The following HMX3 variants were observed in gnomAD, a reference collection of about 807,000 sequenced individuals.
HMX3 encodes the protein homeobox protein HMX3.
HMX3 carries 8 observed loss-of-function variants against 22.8 expected under a neutral mutation model. The observed-to-expected ratio is 0.35, with a 90% CI of 0.21 to 0.63. The LOEUF (loss-of-function observed/expected upper bound fraction) is 0.63. HMX3 is among the 30% of genes least tolerant of loss of function. The probability of loss-of-function intolerance (pLI) is 0.72; values close to 1 mark genes in which losing one functional copy is unlikely to be tolerated. For synonymous variants in HMX3, 331 were observed against 250.9 expected (o/e 1.32, Z -3.02); for missense variants, 527 against 520.6 (o/e 1.01, Z -0.12).
Position 123,137,584 on chromosome 10 carries a change from C to G in HMX3, c.927C>G (p.Leu309=). ...AGCGCATCGTGCGGGTGCCCATCCT[C>G]TACCACGAGAACTCGGCGGCCGAGG... is the stretch of plus-strand genomic sequence containing the variant. ...AAQRIVRVPI[L]YHENSAAEGA... is the part of the protein sequence containing the mutation. Residue 309 remains leucine (L), a synonymous_variant, in exon 2 of 2, where the codon CTC becomes CTG. Transcript: ENST00000357878. This position sits in a 1 kb window ranked among gnomAD's most constrained non-coding sequence, Gnocchi z 5.8. 1 of 1,600,810 alleles carries G rather than the reference C, an allele frequency of 6.2e-7. No individual in the cohort carries two copies. The highest frequency in any genetic ancestry group is 8.5e-7 in the Non-Finnish European group (1 of 1,175,078).
Position 123,137,273 on chromosome 10 carries a change from A to G in HMX3, c.616A>G (p.Thr206Ala). The G allele has an allele frequency of 1.3e-6, 2 of 1,593,846 alleles. No individual in the cohort carries two copies. Among genetic ancestry groups the G allele is most frequent in the South Asian group, 2.2e-5 (2 of 89,188 alleles). ...GGCGAGCGTAGGGGCGGCGGCGGCC[A>G]CTCCGGGCGCAGAAGACTGGAAGAA... Reference protein sequence around the residue: ...AGASVGAAAATPGAEDWKKGA... With the variant: ...AGASVGAAAAAPGAEDWKKGA... The change falls in exon 2 of 2, where the codon ACT becomes GCT. Residue 206 changes from threonine (T) to alanine (A), a missense_variant. Physicochemically the swap from Thr to Ala is moderately conservative, Grantham distance 58. Coordinates refer to ENST00000357878, the MANE Select transcript of HMX3 (RefSeq NM_001105574.2). This position sits in a 1 kb window ranked among gnomAD's most constrained non-coding sequence, Gnocchi z 5.8.
rs929126990 is a variant in HMX3, at chr10:123,139,073, G to A, written c.*1342G>A. Among the ~76,000 whole-genome samples, 1 of 152,110 alleles carries A rather than the reference G, an allele frequency of 6.6e-6. No homozygotes were observed. The highest frequency in any genetic ancestry group is 2.1e-4 in the South Asian group (1 of 4,822). ...GAAAAAAGTAGGCAGGGGAAAGGGGGGAAGAAAGAAACAAGCTTAGGTAGT... is the reference window on the plus strand; with the variant it reads ...GAAAAAAGTAGGCAGGGGAAAGGGGAGAAGAAAGAAACAAGCTTAGGTAGT... On this transcript the variant is annotated 3_prime_UTR_variant, in exon 2 of 2. Coordinates refer to ENST00000357878, the MANE Select transcript of HMX3 (RefSeq NM_001105574.2).
chr10:123,136,583 T>G lies in HMX3; in HGVS notation c.400+133T>G. ...TGCTCGGTCAGTTTTTTTCGGCCCCTAGCCTGCCCTCGCGCTGGGTTGCGC... is the reference window on the plus strand; with the variant it reads ...TGCTCGGTCAGTTTTTTTCGGCCCCGAGCCTGCCCTCGCGCTGGGTTGCGC... On this transcript the variant is annotated intron_variant, in intron 1 of 1. Coordinates refer to ENST00000357878, the MANE Select transcript of HMX3 (RefSeq NM_001105574.2). This position sits in a 1 kb window ranked among gnomAD's most constrained non-coding sequence, Gnocchi z 4.8. 2 of 640,672 alleles carry G rather than the reference T, an allele frequency of 3.1e-6. No individual in the cohort carries two copies. The highest frequency in any genetic ancestry group is 4.6e-6 in the Non-Finnish European group (2 of 434,054). The allele number at this position is 640,672 out of a possible 1,614,324, so 39.7% of individuals were successfully genotyped here. A position where few individuals can be genotyped will look rare whatever the true frequency, so the allele number is the denominator to read the frequency against.
In HMX3 at chr10:123,136,257, TGCCGCGGCG is replaced by T; in HGVS notation, c.211_219del (p.Ala71_Ala73del). On this transcript the variant is annotated inframe_deletion, in exon 1 of 2. Coordinates refer to ENST00000357878, the MANE Select transcript of HMX3 (RefSeq NM_001105574.2). This position sits in a 1 kb window ranked among gnomAD's most constrained non-coding sequence, Gnocchi z 4.8. ...CTGCCGCCGCCGCCGCCGCTGCCGC[TGCCGCGGCG>T]GCCAAGGGGGCCCTGGAGGGCGCCG... 7.3e-7 allele frequency: 1 copy of T among 1,363,238 alleles called. No homozygotes were observed. The highest frequency in any genetic ancestry group is 2.0e-5 in the South Asian group (1 of 49,814). The allele number at this position is 1,363,238 out of a possible 1,614,324, so 84.4% of individuals were successfully genotyped here.
rs1308285911 is a variant in HMX3 at position 123,138,944 on chromosome 10, T to C, written c.*1213T>C. Among the ~76,000 whole-genome samples the C allele has an allele frequency of 6.6e-6, 1 of 152,214 alleles. No individual in the cohort carries two copies. Among genetic ancestry groups the C allele is most frequent in the Non-Finnish European group, 1.5e-5 (1 of 68,040 alleles). On this transcript the variant is annotated 3_prime_UTR_variant, in exon 2 of 2. Transcript: ENST00000357878. ...CATGTTCTGCAGTAATTATTGTACG[T>C]TGACCTGTGCAATATTGTACAAAAT...
In HMX3 at chr10:123,137,493, G is replaced by C. The variant is rs1468125985; in HGVS notation, c.836G>C (p.Arg279Pro). ...GTCAAGATCTGGTTCCAGAACCGCC[G>C]CAACAAGTGGAAGCGGCAGCTGGCG... is the stretch of plus-strand genomic sequence containing the variant. The part of the protein sequence containing the change: ...TQVKIWFQNR[R>P]NKWKRQLAAE... The change falls in exon 2 of 2, where the codon CGC (arginine) becomes CCC (proline). Residue 279 changes from arginine to proline, a missense_variant. Around this residue, in one of 3 missense-constraint regions of HMX3, gnomAD observed 41 missense variants for 80.6 expected, o/e 0.51. Coordinates refer to ENST00000357878, the MANE Select transcript of HMX3 (RefSeq NM_001105574.2). This position sits in a 1 kb window ranked among gnomAD's most constrained non-coding sequence, Gnocchi z 5.8. 1 of 1,613,296 alleles carries C rather than the reference G, an allele frequency of 6.2e-7. No individual in the cohort carries two copies. Among genetic ancestry groups the C allele is most frequent in the Non-Finnish European group, 8.5e-7 (1 of 1,179,882 alleles).
rs146972517 is a variant in HMX3, at chr10:123,139,011, C to T, written c.*1280C>T. On this transcript the variant is annotated 3_prime_UTR_variant, in exon 2 of 2. Coordinates refer to ENST00000357878, the MANE Select transcript of HMX3 (RefSeq NM_001105574.2). The stretch of plus-strand genomic sequence containing the variant: ...TTCCTCCTCCACCGTGGGAAACAGA[C>T]CTTTTCACTGTATAATCATGGTCAT... Among the ~76,000 whole-genome samples, 186 of 152,018 alleles carry T rather than the reference C, an allele frequency of 1.2e-3. 2 individuals are homozygous for T. The highest frequency in any genetic ancestry group is 4.3e-3 in the African/African-American group (180 of 41,434).
chr10:123,136,108 CCG>C lies in HMX3; in HGVS notation c.60_61del (p.Pro23ThrfsTer24). Reference protein sequence around the residue: ...GTASAQPQPPPPPPPAPKESP... With the variant: ...GTASAQPQPPXPPPPAPKESP... ...CGCCAGCGCACAGCCCCAACCGCCG[CCG>C]CCCCCCCCACCCGCTCCCAAGGAGT... On this transcript the variant is annotated frameshift_variant, in exon 1 of 2. Coordinates refer to ENST00000357878, the MANE Select transcript of HMX3 (RefSeq NM_001105574.2). LOFTEE classifies it high-confidence loss of function. The surrounding 1 kb of genome is among the most constrained non-coding windows in gnomAD (Gnocchi z 4.8). The C allele has an allele frequency of 7.3e-7, 1 of 1,376,408 alleles. No homozygotes were observed. The highest frequency in any genetic ancestry group is 9.4e-7 in the Non-Finnish European group (1 of 1,064,068). 85.3% of individuals were successfully genotyped at this position (1,376,408 alleles called of 1,614,324 possible).
In HMX3 at chr10:123,137,226, A is replaced by G. The variant is rs187759881; in HGVS notation, c.569A>G (p.Glu190Gly). ...SDSEESKKEGEAAPGAAGASV... is the reference protein window; with the variant it reads ...SDSEESKKEGGAAPGAAGASV... ...TCCGAGGAAAGCAAAAAGGAAGGCG[A>G]AGCGGCGCCAGGCGCGGCCGGGGCG... The change falls in exon 2 of 2, where the codon GAA becomes GGA. Residue 190 changes from glutamate (E) to glycine (G), a missense_variant. By Grantham distance (98) the Glu-to-Gly change is moderately conservative (BLOSUM62 -2). Around this residue, in one of 3 missense-constraint regions of HMX3, gnomAD observed 386 missense variants for 337.8 expected, o/e 1.14. Transcript: ENST00000357878. This position sits in a 1 kb window ranked among gnomAD's most constrained non-coding sequence, Gnocchi z 5.8. The G allele has an allele frequency of 1.4e-3, 2,243 of 1,596,146 alleles. 26 individuals are homozygous for G. The African/African-American group carries it at 0.025, about 18-fold the overall frequency.
At position 123,138,394 on chromosome 10, in the gene HMX3, C is replaced by G. The variant is rs1378850530; in HGVS notation, c.*663C>G. Among the ~76,000 whole-genome samples the G allele has an allele frequency of 1.3e-5, 2 of 152,070 alleles. No individual in the cohort carries two copies. The highest frequency in any genetic ancestry group is 2.9e-5 in the Non-Finnish European group (2 of 68,002). On this transcript the variant is annotated 3_prime_UTR_variant, in exon 2 of 2. Transcript: ENST00000357878. ...TGAGCTCCTGACCTCGTGATCCGCC[C>G]GCCTCGGCCTCCCAAAGTGCTGGGA...
chr10:123,137,010 G>C lies in HMX3; in HGVS notation c.401-48G>C. The C allele has an allele frequency of 6.5e-7, 1 of 1,530,698 alleles. No individual in the cohort carries two copies. The highest frequency in any genetic ancestry group is 1.3e-5 in the South Asian group (1 of 77,734). The allele number at this position is 1,530,698 out of a possible 1,614,324, so 94.8% of individuals were successfully genotyped here. A position where few individuals can be genotyped will look rare whatever the true frequency, so the allele number is the denominator to read the frequency against. ...TCCCCAGGCGCCGGGCCTCGCTCAA[G>C]GCTGTGTCGGTGTGCATGTGTGTGC... On this transcript the variant is annotated intron_variant, in intron 1 of 1. Transcript: ENST00000357878. This position sits in a 1 kb window ranked among gnomAD's most constrained non-coding sequence, Gnocchi z 5.8.
rs1844070662 is a variant in HMX3 at position 123,136,200 on chromosome 10, G to A, written c.150G>A (p.Pro50=). 7.8e-7 allele frequency: 1 copy of A among 1,275,574 alleles called. No homozygotes were observed. The highest frequency in any genetic ancestry group is 1.0e-6 in the Non-Finnish European group (1 of 1,000,800). 79.0% of individuals were successfully genotyped at this position (1,275,574 alleles called of 1,614,324 possible). ...ACCGGCCGCCCCCTAAGCCTCAGCC[G>A]CCCCCACGGACGCTCTTCGCGCCAG... is the stretch of plus-strand genomic sequence containing the variant. ...DHHRPPPKPQ[P]PPRTLFAPAS... Residue 50 remains proline, a synonymous_variant, in exon 1 of 2, where the codon CCG becomes CCA. Transcript: ENST00000357878. This position sits in a 1 kb window ranked among gnomAD's most constrained non-coding sequence, Gnocchi z 4.8.
Position 123,136,518 on chromosome 10 carries a change from T to TC in HMX3, c.400+71dup. 4.1e-6 allele frequency: 5 copies of TC among 1,231,920 alleles called. No homozygotes were observed. The highest frequency in any genetic ancestry group is 5.2e-6 in the Non-Finnish European group (5 of 954,074). The allele number at this position is 1,231,920 out of a possible 1,614,324, so 76.3% of individuals were successfully genotyped here. ...CGCCCCGTCCCCGCCCCGCGCTGCT[T>TC]CCCTCCGCAGTTCTGGGACCCCAGC... On this transcript the variant is annotated intron_variant, in intron 1 of 1. Transcript: ENST00000357878. This position sits in a 1 kb window ranked among gnomAD's most constrained non-coding sequence, Gnocchi z 4.8.
In HMX3 at chr10:123,138,383, C is replaced by G. The variant is rs575927823; in HGVS notation, c.*652C>G. Reference sequence around the variant, plus strand: ...CAGGCTGGTCTTGAGCTCCTGACCTCGTGATCCGCCCGCCTCGGCCTCCCA... The same window carrying G: ...CAGGCTGGTCTTGAGCTCCTGACCTGGTGATCCGCCCGCCTCGGCCTCCCA... On this transcript the variant is annotated 3_prime_UTR_variant, in exon 2 of 2. Transcript: ENST00000357878. Among the ~76,000 whole-genome samples, 2 of 152,054 alleles carry G rather than the reference C, an allele frequency of 1.3e-5. No homozygotes were observed. The highest frequency in any genetic ancestry group is 2.9e-5 in the Non-Finnish European group (2 of 67,984).
chr10:123,136,125 T>TC lies in HMX3; in HGVS notation c.78dup (p.Lys27GlnfsTer21). 1.5e-6 allele frequency: 1 copy of TC among 680,862 alleles called. No homozygotes were observed. The highest frequency in any genetic ancestry group is 1.9e-6 in the Non-Finnish European group (1 of 525,254). 42.2% of individuals were successfully genotyped at this position (680,862 alleles called of 1,614,324 possible). On this transcript the variant is annotated frameshift_variant, in exon 1 of 2. Coordinates refer to ENST00000357878, the MANE Select transcript of HMX3 (RefSeq NM_001105574.2). LOFTEE classifies it high-confidence loss of function. The surrounding 1 kb of genome is among the most constrained non-coding windows in gnomAD (Gnocchi z 4.8). ...AACCGCCGCCGCCCCCCCCACCCGCTCCCAAGGAGTCCCCGTTCTCCATCA... is the reference window on the plus strand; with the variant it reads ...AACCGCCGCCGCCCCCCCCACCCGCTCCCCAAGGAGTCCCCGTTCTCCATCA...
In HMX3 at chr10:123,137,234, C is replaced by A. The variant is rs1844086885; in HGVS notation, c.577C>A (p.Pro193Thr). Residue 193 changes from proline to threonine, a missense_variant, in exon 2 of 2, where the codon CCA becomes ACA. Coordinates refer to ENST00000357878, the MANE Select transcript of HMX3 (RefSeq NM_001105574.2). This position sits in a 1 kb window ranked among gnomAD's most constrained non-coding sequence, Gnocchi z 5.8. ...AAGCAAAAAGGAAGGCGAAGCGGCG[C>A]CAGGCGCGGCCGGGGCGAGCGTAGG... is the stretch of plus-strand genomic sequence containing the variant. ...EESKKEGEAA[P>T]GAAGASVGAA... is the part of the protein sequence containing the mutation. 1 of 1,594,216 alleles carries A rather than the reference C, an allele frequency of 6.3e-7. No individual in the cohort carries two copies. Among genetic ancestry groups the A allele is most frequent in the Non-Finnish European group, 8.5e-7 (1 of 1,170,484 alleles).
At position 123,137,325 on chromosome 10, in the gene HMX3, C is replaced by G. The variant is rs1564774158; in HGVS notation, c.668C>G (p.Pro223Arg). 6.2e-7 allele frequency: 1 copy of G among 1,610,552 alleles called. No homozygotes were observed. The highest frequency in any genetic ancestry group is 1.3e-5 in the African/African-American group (1 of 74,994). The change falls in exon 2 of 2, where the codon CCG (proline) becomes CGG (arginine). Residue 223 changes from proline to arginine, a missense_variant. By Grantham distance (103) the Pro-to-Arg change is moderately radical. Coordinates refer to ENST00000357878, the MANE Select transcript of HMX3 (RefSeq NM_001105574.2). This position sits in a 1 kb window ranked among gnomAD's most constrained non-coding sequence, Gnocchi z 5.8. ...GGCGCTGAAAGTCCAGAGAAGAAGC[C>G]GGCGTGCCGCAAGAAGAAGACGCGC... is the stretch of plus-strand genomic sequence containing the variant. ...KKGAESPEKK[P>R]ACRKKKTRTV...
chr10:123,137,521 G>A lies in HMX3; in HGVS notation c.864G>A (p.Ala288=), dbSNP rs79318388. The change falls in exon 2 of 2, where the codon GCG becomes GCA. Residue 288 remains alanine (A), a synonymous_variant. Transcript: ENST00000357878. The surrounding 1 kb of genome is among the most constrained non-coding windows in gnomAD (Gnocchi z 5.8). ...ACAAGTGGAAGCGGCAGCTGGCGGC[G>A]GAGCTGGAGGCGGCCAACCTGAGCC... The part of the protein sequence containing the change: ...RRNKWKRQLA[A]ELEAANLSHA... 9.6e-5 allele frequency: 154 copies of A among 1,612,238 alleles called. No homozygotes were observed. The highest frequency in any genetic ancestry group is 1.2e-4 in the Non-Finnish European group (144 of 1,179,824).
At position 123,136,403 on chromosome 10, in the gene HMX3, A is replaced by G. The variant is rs774492989; in HGVS notation, c.353A>G (p.Tyr118Cys). ...CTGGAGCGCTCCCCAGCCTGGTGGT[A>G]CCCCTACACCCTGACCCCCGCCGGC... ...HYLERSPAWWYPYTLTPAGGH... is the reference protein window; with the variant it reads ...HYLERSPAWWCPYTLTPAGGH... The change falls in exon 1 of 2, where the codon TAC (tyrosine) becomes TGC (cysteine). Residue 118 changes from tyrosine (Y) to cysteine (C), a missense_variant. By Grantham distance (194) the Tyr-to-Cys change is radical (BLOSUM62 -2). Transcript: ENST00000357878. This position sits in a 1 kb window ranked among gnomAD's most constrained non-coding sequence, Gnocchi z 4.8. 5.2e-6 allele frequency: 8 copies of G among 1,540,966 alleles called. No homozygotes were observed. The highest frequency in any genetic ancestry group is 7.0e-6 in the Non-Finnish European group (8 of 1,145,432).
Sources: allele counts gnomAD v4.1 joint callset (sites outside exome capture counted in the v4.1 genomes callset), GRCh38; gene constraint gnomAD v4.1.1; regional missense constraint gnomAD v4.1.1; non-coding constraint Gnocchi (gnomAD v3.1); transcripts MANE v1.5; gene names NCBI Gene and HGNC (gene_info 2026-07-23, HGNC 2026-07-21).